The following XIRP2 variants were observed in gnomAD, a reference collection of about 807,000 sequenced individuals.
XIRP2 encodes xin actin-binding repeat-containing protein 2.
A neutral mutation model predicts 277.0 loss-of-function variants in XIRP2; 236 were observed. That is an observed-to-expected ratio of 0.85 (90% CI 0.77 to 0.95). XIRP2 has a LOEUF of 0.95. XIRP2 is among the 40% of genes least tolerant of loss of function. The pLI is 0.00. For missense variants in XIRP2, 4,640 were observed against 4,157.5 expected, an observed-to-expected ratio of 1.12 and a Z score of -3.19; for synonymous variants, 1,490 against 1,416.5, an observed-to-expected ratio of 1.05 and a Z score of -1.17.
rs545597365 is a variant in XIRP2, at chr2:167,257,844, T to A, written c.*40-13T>A. ...AAATACGAACTGCTAAGTGTTCTTT[T>A]TCTTTTTGGCAGTTTGGGAAATTAT... On this transcript the variant is annotated splice_polypyrimidine_tract_variant and intron_variant, in intron 10 of 10. Transcript: ENST00000409195. 6.3e-7 allele frequency: 1 copy of A among 1,577,392 alleles called. No individual in the cohort carries two copies.
At chr2:167,114,760 A>G (rs1414155151) in intron 2 of XIRP2, among the ~76,000 whole-genome samples, 1 of 152,198 alleles carries the variant, frequency 6.6e-6, no homozygotes, top group East Asian at 1.9e-4. Flanking sequence ...CCATGTCCCT[A>G]CAAAGGACAT....
intron 3 of XIRP2, among the ~76,000 whole-genome samples, chr2:167,189,644 C>A (rs933571909): frequency 6.6e-6 from 1 of 152,154 alleles, no homozygotes; most frequent in African/African-American, 2.4e-5. Flanking sequence ...TTTTTTAGAA[C>A]ACTGATTTAT....
chr2:167,258,982 AATCATC>A lies in XIRP2; in HGVS notation c.*1166_*1171del, dbSNP rs1444064490. The A allele has an allele frequency of 6.2e-7, 1 of 1,612,022 alleles. No individual in the cohort carries two copies. The highest frequency in any genetic ancestry group is 1.1e-5 in the South Asian group (1 of 90,874). ...GCCTTATGGTAAAGGGGGGAAGTTCAATCATCTCTCCTGATACAAATCTCTTAAACA... is the reference window on the plus strand; with the variant it reads ...GCCTTATGGTAAAGGGGGGAAGTTCATCTCCTGATACAAATCTCTTAAACA... On this transcript the variant is annotated 3_prime_UTR_variant, in exon 11 of 11. Transcript: ENST00000409195.
intron 3 of XIRP2, among the ~76,000 whole-genome samples, chr2:167,156,519 A>G (rs527799096): frequency 6.6e-6 from 1 of 152,142 alleles, no homozygotes; most frequent in Non-Finnish European, 1.5e-5. Context: ...ATTTTAAAGT[A>G]TTTCTCTATG....
At chr2:167,095,994 C>T (rs1191769278) in intron 2 of XIRP2, among the ~76,000 whole-genome samples, 1 of 150,488 alleles carries the variant, frequency 6.6e-6, no homozygotes, top group Non-Finnish European at 1.5e-5. Context: ...CTGCCTCTGC[C>T]TCCCAAGTAG....
At position 167,018,792 on chromosome 2, in the gene XIRP2, T is replaced by C. The variant is rs111618362; in HGVS notation, c.408+114902T>C. 7.5e-4 allele frequency among the ~76,000 whole-genome samples: 114 copies of C among 152,180 alleles called. 1 individual carries two copies. Among genetic ancestry groups the C allele is most frequent in the African/African-American group, 2.7e-3 (112 of 41,552 alleles). ...TTACGTAATTTAAAATTTAGCTTAG[T>C]GTGCATTTCCACTGAATACACATCA... On this transcript the variant is annotated intron_variant, in intron 2 of 10. Transcript: ENST00000409195.
intron 2 of XIRP2, among the ~76,000 whole-genome samples, chr2:167,086,104 C>A (rs997480517): frequency 6.6e-6 from 1 of 151,934 alleles, no homozygotes. Flanking sequence ...CCATGTTTAG[C>A]ACTTCCTTCA....
At chr2:167,232,780 A>C (rs1342463183) in intron 5 of XIRP2, among the ~76,000 whole-genome samples, 1 of 151,876 alleles carries the variant, frequency 6.6e-6, no homozygotes, top group Non-Finnish European at 1.5e-5. Flanking sequence ...TGGATGCATG[A>C]GAGGTCTAAG....
chr2:167,089,097 G>A (rs1488588115), intron 2 of XIRP2, among the ~76,000 whole-genome samples: 2 of 152,128 alleles, frequency 1.3e-5, no homozygotes, highest in African/African-American at 4.8e-5. Context: ...TACACCAGCA[G>A]TGTACTACTT....
chr2:167,250,367 A>G lies in XIRP2; in HGVS notation c.8975A>G (p.Lys2992Arg), dbSNP rs781159779. The G allele has an allele frequency of 2.5e-6, 4 of 1,613,650 alleles. No homozygotes were observed. The South Asian group carries it at 4.4e-5, about 18-fold the overall frequency. Residue 2992 changes from lysine to arginine, a missense_variant, in exon 9 of 11, where the codon AAG (lysine) becomes AGG (arginine). Coordinates refer to ENST00000409195, the MANE Select transcript of XIRP2 (RefSeq NM_152381.6). ...CCAGGATGGCTGATAAGTGAAGATAAGAGAGAATATGCAGTTCACATTGCC... is the reference window on the plus strand; with the variant it reads ...CCAGGATGGCTGATAAGTGAAGATAGGAGAGAATATGCAGTTCACATTGCC... The part of the protein sequence containing the change: ...TIPGWLISED[K>R]REYAVHIAME...
At chr2:167,175,528 C>T (rs953404987) in intron 3 of XIRP2, among the ~76,000 whole-genome samples, 2 of 152,202 alleles carry the variant, frequency 1.3e-5, no homozygotes, top group African/African-American at 4.8e-5. Context: ...CAGAGGGGCA[C>T]CTGCCAGATG....
At chr2:167,163,523 C>A (rs1692430188) in intron 3 of XIRP2, among the ~76,000 whole-genome samples, 1 of 152,104 alleles carries the variant, frequency 6.6e-6, no homozygotes, top group African/African-American at 2.4e-5. Flanking sequence ...TTTTTATTAT[C>A]TTGTTGTAGG....
At chr2:167,111,959 A>C (rs868415285) in intron 2 of XIRP2, among the ~76,000 whole-genome samples, 5 of 152,158 alleles carry the variant, frequency 3.3e-5, no homozygotes, top group African/African-American at 1.2e-4. Flanking sequence ...AGGTGTTCAT[A>C]GTAGTAGTCT....
chr2:167,143,583 G>C (rs191784687), intron 3 of XIRP2, among the ~76,000 whole-genome samples: 1 of 152,198 alleles, frequency 6.6e-6, no homozygotes, highest in East Asian at 1.9e-4. Flanking sequence ...CTTGAGCTGG[G>C]GCCAGAGTGG....
In XIRP2 at chr2:167,251,465, G is replaced by C. The variant is rs377574544; in HGVS notation, c.10073G>C (p.Gly3358Ala). The C allele has an allele frequency of 6.2e-7, 1 of 1,613,620 alleles. No homozygotes were observed. The highest frequency in any genetic ancestry group is 8.5e-7 in the Non-Finnish European group (1 of 1,179,686). Residue 3358 changes from glycine to alanine, a missense_variant, in exon 9 of 11, where the codon GGA (glycine) becomes GCA (alanine). By Grantham distance (60) the Gly-to-Ala change is moderately conservative (BLOSUM62 0). Transcript: ENST00000409195. ...TCAAATAGAAGAGTTTATGCAAAGG[G>C]AGAAACAAACCATAACATACAACAA... is the stretch of plus-strand genomic sequence containing the variant. ...AKSNRRVYAKGETNHNIQQES... is the reference protein window; with the variant it reads ...AKSNRRVYAKAETNHNIQQES...
chr2:166,996,336 A>T (rs188982101), intron 2 of XIRP2, among the ~76,000 whole-genome samples: 1 of 152,178 alleles, frequency 6.6e-6, no homozygotes, highest in Non-Finnish European at 1.5e-5. Flanking sequence ...TAAAATTCTA[A>T]AATGTCTAGT....
intron 5 of XIRP2, among the ~76,000 whole-genome samples, chr2:167,221,556 G>A (rs1694431938): frequency 6.7e-6 from 1 of 150,310 alleles, no homozygotes; most frequent in East Asian, 2.0e-4. Context: ...TGAGATAAAT[G>A]TCAAATTTGG....
chr2:167,198,803 G>A (rs1400153480), intron 3 of XIRP2, among the ~76,000 whole-genome samples: 1 of 152,130 alleles, frequency 6.6e-6, no homozygotes, highest in Non-Finnish European at 1.5e-5. Context: ...CCCAAATAAT[G>A]TTCGGTAAAG....
At chr2:166,938,895 T>C (rs1039070207) in intron 2 of XIRP2, among the ~76,000 whole-genome samples, 1 of 152,208 alleles carries the variant, frequency 6.6e-6, no homozygotes, top group Middle Eastern at 3.2e-3. Flanking sequence ...GTCTGTTTTA[T>C]CCAAGACTAG....
Sources: gnomAD v4.1 joint callset for allele counts (sites outside exome capture counted in the v4.1 genomes callset) on GRCh38, gnomAD v4.1.1 for gene constraint, MANE v1.5 for transcripts, NCBI Gene and HGNC (gene_info 2026-07-23, HGNC 2026-07-21) for gene names.